GET1: variants seen among roughly 807,000 people sequenced by gnomAD.
GET1 encodes the protein guided entry of tail-anchored proteins factor 1, also known as congenital heart disease 5 protein.
GET1 carries 20 observed loss-of-function variants against 22.6 expected under a neutral mutation model. That is an observed-to-expected ratio of 0.89 (90% CI 0.62 to 1.29). GET1 has a LOEUF of 1.29. Ranked by LOEUF, GET1 falls within the 50% of genes most tolerant of loss-of-function variation. GET1 has a pLI of 0.00. For synonymous variants in GET1, 92 were observed against 83.8 expected (o/e 1.10, Z -0.53); for missense variants, 209 against 219.9 (o/e 0.95, Z 0.31).
intron 1 of GET1, among the ~76,000 whole-genome samples, chr21:39,386,982 C>T (rs531963850): frequency 3.3e-5 from 5 of 152,082 alleles, no homozygotes; most frequent in Non-Finnish European, 5.9e-5. Context: ...TCCTGAGTAG[C>T]TGGGGCCACA....
At chr21:39,389,816 C>T (rs571418948) in intron 1 of GET1, among the ~76,000 whole-genome samples, 5 of 152,332 alleles carry the variant, frequency 3.3e-5, no homozygotes, top group East Asian at 1.9e-4. Context: ...TGTTACCCTG[C>T]ACCTGCACCT....
At chr21:39,384,961 G>A (rs1488029887) in intron 1 of GET1, among the ~76,000 whole-genome samples, 1 of 152,106 alleles carries the variant, frequency 6.6e-6, no homozygotes, top group Non-Finnish European at 1.5e-5. Context: ...CCCTGTAATC[G>A]GTAAGAGAGA....
chr21:39,393,316 G>T, intron 4 of GET1, 36 bp downstream of exon 4: 1 of 1,517,840 alleles, frequency 6.6e-7, no homozygotes, highest in Non-Finnish European at 9.1e-7. Context: ...GGAAGAGTGT[G>T]AATAGGCTTA....
At chr21:39,410,271 G>A, downstream of GET1, 1 of 1,594,556 alleles carries the variant, frequency 6.3e-7, no homozygotes, top group Non-Finnish European at 8.6e-7. Context: ...TACCTTAGTT[G>A]TCAAAGGTGG....
chr21:39,382,033 G>A (rs926762760), intron 1 of GET1, among the ~76,000 whole-genome samples: 9 of 149,484 alleles, frequency 6.0e-5, no homozygotes, highest in Non-Finnish European at 1.0e-4. Context: ...ACCACTGCAC[G>A]TGGCCCCGCT....
exon 5 of GET1, chr21:39,406,290 A>G (rs2046414181): frequency 6.2e-7 from 1 of 1,614,104 alleles, no homozygotes; most frequent in African/African-American, 1.3e-5. Context: ...CAGGAAGCCC[A>G]TGATGCAGGT....
At chr21:39,387,427 CTG>C (rs1438456203) in intron 1 of GET1, among the ~76,000 whole-genome samples, 2 of 152,186 alleles carry the variant, frequency 1.3e-5, no homozygotes, top group African/African-American at 2.4e-5. Context: ...TTAGCAGTGT[CTG>C]TAGATTTTCC....
chr21:39,418,794 C>T (rs1317360473), intron 1 of GET1, among the ~76,000 whole-genome samples: 5 of 152,200 alleles, frequency 3.3e-5, no homozygotes, highest in Non-Finnish European at 5.9e-5. Flanking sequence ...GCCACCATGC[C>T]TGGCCAGAAA....
At chr21:39,410,724 G>C (rs2039947008), downstream of GET1, 1 of 419,960 alleles carries the variant, frequency 2.4e-6, no homozygotes, top group Non-Finnish European at 4.8e-6. Flanking sequence ...ATTATCAGTG[G>C]TTAGACTGTC....
chr21:39,392,348 A>C (rs1241835365), intron 3 of GET1, among the ~76,000 whole-genome samples: 6 of 152,126 alleles, frequency 3.9e-5, no homozygotes, highest in African/African-American at 1.4e-4. Context: ...CCGAGAGTGC[A>C]GTTGTGCTGC....
downstream of GET1, among the ~76,000 whole-genome samples, chr21:39,401,864 C>T (rs1482674672): frequency 6.6e-6 from 1 of 152,108 alleles, no homozygotes; most frequent in Non-Finnish European, 1.5e-5. Context: ...TTTGGGGCAT[C>T]AAGAACTACA....
At chr21:39,402,823 A>C (rs1312713626), downstream of GET1, among the ~76,000 whole-genome samples, 1 of 143,524 alleles carries the variant, frequency 7.0e-6, no homozygotes, top group African/African-American at 2.6e-5. Context: ...AGAAAACACT[A>C]AAAGTAAATT....
chr21:39,427,396 C>T (rs1296702401), intron 1 of GET1, among the ~76,000 whole-genome samples: 1 of 152,254 alleles, frequency 6.6e-6, no homozygotes, highest in African/African-American at 2.4e-5. Flanking sequence ...GGCGCGGTGG[C>T]TCACGCCTGT....
downstream of GET1, among the ~76,000 whole-genome samples, chr21:39,398,176 C>T (rs760171980): frequency 3.3e-5 from 5 of 152,264 alleles, no homozygotes; most frequent in African/African-American, 1.2e-4. Context: ...CGTCACCACA[C>T]GGGATACATT....
rs772459450 is a variant in GET1 at position 39,405,902 on chromosome 21, T to A, written c.350-12T>A. The A allele has an allele frequency of 5.7e-6, 9 of 1,585,280 alleles. No individual in the cohort carries two copies. In the South Asian group the frequency reaches 7.9e-5, roughly 14 times the overall value. Reference sequence around the variant, plus strand: ...TATATTTAAATAATTATTTTTCTTTTTCCTTCTGTAGGTGACGATGGCTTA... The same window carrying A: ...TATATTTAAATAATTATTTTTCTTTATCCTTCTGTAGGTGACGATGGCTTA... On this transcript the variant is annotated splice_polypyrimidine_tract_variant and intron_variant, in intron 4 of 4. Transcript: ENST00000415847.
At position 39,397,129 on chromosome 21, in the gene GET1, G is replaced by C. The variant is rs951193161; in HGVS notation, c.*190G>C. ...ATCACGATTTTCTACACCTGTCATT[G>C]AGCCAAGAAAGTCCAGTTTATGACA... On this transcript the variant is annotated 3_prime_UTR_variant, in exon 5 of 5. Transcript: ENST00000649170. 1 of 631,180 alleles carries C rather than the reference G, an allele frequency of 1.6e-6. No individual in the cohort carries two copies. Among genetic ancestry groups the C allele is most frequent in the African/African-American group, 1.8e-5 (1 of 54,166 alleles). The allele number at this position is 631,180 out of a possible 1,614,324, so 39.1% of individuals were successfully genotyped here. A position where few individuals can be genotyped will look rare whatever the true frequency, so the allele number is the denominator to read the frequency against.
chr21:39,420,969 T>C, intron 1 of GET1: 1 of 637,848 alleles, frequency 1.6e-6, no homozygotes, highest in East Asian at 2.7e-5. Context: ...GAATGACTTA[T>C]ACAGGGGACA....
intron 1 of GET1, among the ~76,000 whole-genome samples, chr21:39,415,291 A>G (rs2040931329): frequency 6.6e-6 from 1 of 152,206 alleles, no homozygotes; most frequent in African/African-American, 2.4e-5. Flanking sequence ...TGATCTAGCC[A>G]TTTCTACTCT....
chr21:39,411,872 C>G lies in GET1; in HGVS notation c.*23+935C>G, dbSNP rs1035463385. 4 of 852,134 alleles carry G rather than the reference C, an allele frequency of 4.7e-6. No homozygotes were observed. The African/African-American group carries it at 6.8e-5, about 15-fold the overall frequency. 52.8% of individuals were successfully genotyped at this position (852,134 alleles called of 1,614,324 possible). On this transcript the variant is annotated intron_variant, in intron 1 of 1. Coordinates refer to the GET1 transcript ENST00000478273. ...TGTCAACCCTGATTTCTTTTAAAAA[C>G]AATTTAAATGAGCTCAGTATCCTAT...
Sources: gnomAD v4.1 joint callset for allele counts (sites outside exome capture counted in the v4.1 genomes callset) on GRCh38, gnomAD v4.1.1 for gene constraint, MANE v1.5 for transcripts, NCBI Gene and HGNC (gene_info 2026-07-23, HGNC 2026-07-21) for gene names.